PCDHA1: variants seen among roughly 807,000 people sequenced by gnomAD.
The protein encoded by PCDHA1 is protocadherin alpha 1, also known as protocadherin alpha-1.
PCDHA1 carries 42 observed loss-of-function variants against 61.3 expected under a neutral mutation model. That is an observed-to-expected ratio of 0.69 (90% CI 0.54 to 0.89). PCDHA1 has a LOEUF of 0.89. Ranked by LOEUF, PCDHA1 falls within the 40% of genes least tolerant of loss-of-function variation. The pLI, the probability that PCDHA1 is intolerant of heterozygous loss-of-function variation, is 0.00. For missense variants in PCDHA1, 1,256 were observed against 1,235.3 expected (o/e 1.02, Z -0.25); for synonymous variants, 610 against 553.8 (o/e 1.10, Z -1.43).
intron 3 of PCDHA1, among the ~76,000 whole-genome samples, chr5:140,992,501 A>G (rs1437736734): frequency 6.6e-6 from 1 of 152,206 alleles, no homozygotes. Context: ...TAAGGATTCA[A>G]TCCTGGGGCA....
chr5:140,994,732 G>T (rs1159331502), intron 3 of PCDHA1, among the ~76,000 whole-genome samples: 3 of 152,114 alleles, frequency 2.0e-5, no homozygotes, highest in Non-Finnish European at 4.4e-5. Flanking sequence ...ACTGGGTATT[G>T]CAGGATGGCA....
Position 141,005,701 on chromosome 5 carries a change from C to CAAA in PCDHA1, c.2543-3898_2543-3896dup, listed in dbSNP as rs59860837. ...TGGGCGACAGAGCGAAACTCCGTCTCAAAAAAAAAAAAAAAAAAAAAAAAA... is the reference window on the plus strand; with the variant it reads ...TGGGCGACAGAGCGAAACTCCGTCTCAAAAAAAAAAAAAAAAAAAAAAAAAAAA... On this transcript the variant is annotated intron_variant, in intron 3 of 3. Transcript: ENST00000504120. Among the ~76,000 whole-genome samples the CAAA allele has an allele frequency of 9.1e-3, 71 of 7,774 alleles. 6 individuals are homozygous for CAAA. Among genetic ancestry groups the CAAA allele is most frequent in the Non-Finnish European group, 0.012 (43 of 3,684 alleles). 5.1% of individuals were successfully genotyped at this position (7,774 alleles called of 152,430 possible).
At chr5:140,905,144 A>G (rs2071622994) in intron 1 of PCDHA1, among the ~76,000 whole-genome samples, 2 of 152,130 alleles carry the variant, frequency 1.3e-5, no homozygotes, top group African/African-American at 2.4e-5. Context: ...TTCTGCTGTT[A>G]TATTTTAGAA....
At chr5:140,805,851 C>A (rs1404287478) in intron 1 of PCDHA1, among the ~76,000 whole-genome samples, 1 of 152,064 alleles carries the variant, frequency 6.6e-6, no homozygotes, top group African/African-American at 2.4e-5. Context: ...TATGCGATCA[C>A]CTTAAATTAA....
intron 3 of PCDHA1, among the ~76,000 whole-genome samples, chr5:140,984,534 G>C (rs1261585417): frequency 6.6e-6 from 1 of 152,136 alleles, no homozygotes; most frequent in Non-Finnish European, 1.5e-5. Context: ...TTCATGGACT[G>C]TGCTGGATAG....
intron 1 of PCDHA1, chr5:140,801,467 A>C (rs782777008): frequency 5.2e-5 from 84 of 1,613,952 alleles, no homozygotes; most frequent in East Asian, 1.1e-4. Flanking sequence ...ATTCTCGGAT[A>C]GACCGCGAGG....
chr5:140,916,687 T>G (rs265312), intron 1 of PCDHA1, among the ~76,000 whole-genome samples: 87,944 of 152,010 alleles, frequency 0.58, 26,395 homozygotes, highest in African/African-American at 0.75. Flanking sequence ...TTTACTCTTT[T>G]CTCTCCTCTC....
At chr5:140,948,543 T>C (rs1226242016) in intron 1 of PCDHA1, among the ~76,000 whole-genome samples, 2 of 151,702 alleles carry the variant, frequency 1.3e-5, no homozygotes, top group Non-Finnish European at 3.0e-5. Flanking sequence ...TTTCATGCTC[T>C]GTCAATTTTG....
intron 1 of PCDHA1, among the ~76,000 whole-genome samples, chr5:140,913,340 C>G (rs1276320319): frequency 6.6e-6 from 1 of 152,024 alleles, no homozygotes; most frequent in African/African-American, 2.4e-5. Context: ...GGAATTTATC[C>G]ATTTCCTCTA....
chr5:140,814,233 T>C (rs115891865), intron 1 of PCDHA1: 340 of 152,654 alleles, frequency 2.2e-3, no homozygotes, highest in Non-Finnish European at 4.0e-3. Context: ...TTTGTTGTTG[T>C]TGTTAAAAAT....
intron 1 of PCDHA1, chr5:140,869,869 G>T: frequency 6.2e-7 from 1 of 1,610,244 alleles, no homozygotes; most frequent in Non-Finnish European, 8.5e-7. Flanking sequence ...GGAAAATGCT[G>T]CTAAAGAAAC....
At chr5:140,995,491 AG>A (rs1467871177) in intron 3 of PCDHA1, among the ~76,000 whole-genome samples, 5 of 152,224 alleles carry the variant, frequency 3.3e-5, no homozygotes, top group Non-Finnish European at 5.9e-5. Context: ...TTTCAGACTA[AG>A]GTTGACTGTG....
chr5:140,797,597 C>A, intron 1 of PCDHA1: 1 of 527,266 alleles, frequency 1.9e-6, no homozygotes, highest in South Asian at 3.1e-5. Context: ...AGTAATAGAC[C>A]ATGAAACACT....
rs567331809 is a variant in PCDHA1 at position 140,788,482 on chromosome 5, C to T, written c.2192C>T (p.Ala731Val). The change falls in exon 1 of 4, where the codon GCG becomes GTG. Residue 731 changes from alanine (A) to valine (V), a missense_variant. Ala to Val is a moderately conservative substitution (Grantham distance 64). Transcript: ENST00000504120. ...TGCTCAGTGCCGCCCACTGAGGGTG[C>T]GTATGTGCCGGGCAAGCCCACTCTG... ...LRCSVPPTEGAYVPGKPTLVC... is the reference protein window; with the variant it reads ...LRCSVPPTEGVYVPGKPTLVC... 3 of 1,614,088 alleles carry T rather than the reference C, an allele frequency of 1.9e-6. No individual in the cohort carries two copies. In the South Asian group the frequency reaches 3.3e-5, roughly 18 times the overall value.
intron 1 of PCDHA1, chr5:140,848,087 G>A (rs1781316611): frequency 5.9e-6 from 1 of 168,072 alleles, no homozygotes; most frequent in African/African-American, 2.4e-5. Flanking sequence ...AAACTTAAGT[G>A]GAGAGTTTTC....
intron 1 of PCDHA1, among the ~76,000 whole-genome samples, chr5:140,890,293 A>G (rs1423277316): frequency 6.6e-6 from 1 of 152,196 alleles, no homozygotes; most frequent in African/African-American, 2.4e-5. Flanking sequence ...AGTCAGAACC[A>G]GGAGAGGTAA....
chr5:140,896,242 C>T (rs1228427310), intron 1 of PCDHA1, among the ~76,000 whole-genome samples: 2 of 152,154 alleles, frequency 1.3e-5, no homozygotes, highest in Non-Finnish European at 2.9e-5. Flanking sequence ...GACTTATATT[C>T]CTTTGGTTAT....
At chr5:140,933,262 T>G (rs2088985963) in intron 1 of PCDHA1, among the ~76,000 whole-genome samples, 1 of 152,012 alleles carries the variant, frequency 6.6e-6, no homozygotes, top group South Asian at 2.1e-4. Flanking sequence ...AAAAGGTTAT[T>G]ATATATTCAT....
chr5:140,850,692 G>A lies in PCDHA1; in HGVS notation c.2394+62008G>A, dbSNP rs2150494456. The A allele has an allele frequency of 1.9e-6, 3 of 1,598,344 alleles. 1 individual carries two copies. The Admixed American group carries it at 5.1e-5, about 27-fold the overall frequency. On this transcript the variant is annotated intron_variant, in intron 1 of 3. Transcript: ENST00000504120. ...GGCGATGCCCACCGAGGGCGAGTGC[G>A]CGCCTGGCAAGCCGACGCTGGTGTG...
Sources: allele counts gnomAD v4.1 joint callset (sites outside exome capture counted in the v4.1 genomes callset), GRCh38; gene constraint gnomAD v4.1.1; transcripts MANE v1.5; gene names NCBI Gene and HGNC (gene_info 2026-07-23, HGNC 2026-07-21).